The following TRPC1 variants were observed in gnomAD, a reference collection of about 807,000 sequenced individuals.
TRPC1 encodes the protein transient receptor potential cation channel subfamily C member 1, also known as short transient receptor potential channel 1.
A neutral mutation model predicts 88.2 loss-of-function variants in TRPC1; 42 were observed. The ratio of observed to expected loss-of-function variants is 0.48; its 90% confidence interval spans 0.37 to 0.62. The LOEUF (loss-of-function observed/expected upper bound fraction) is 0.62. Ranked by LOEUF, TRPC1 falls within the 20% of genes least tolerant of loss-of-function variation. TRPC1 has a pLI of 0.00. For missense variants in TRPC1, 699 were observed against 957.3 expected (o/e 0.73, Z 3.56); for synonymous variants, 288 against 331.8 (o/e 0.87, Z 1.43).
chr3:142,769,284 C>G (rs1033072343), intron 4 of TRPC1, among the ~76,000 whole-genome samples: 5 of 151,924 alleles, frequency 3.3e-5, no homozygotes, highest in Admixed American at 2.6e-4. Flanking sequence ...ACCCTCATAC[C>G]CTTTGCTCTT....
intron 4 of TRPC1, among the ~76,000 whole-genome samples, chr3:142,755,628 C>T (rs1270781541): frequency 2.0e-5 from 3 of 152,108 alleles, no homozygotes; most frequent in Non-Finnish European, 4.4e-5. Flanking sequence ...TAGTTGCCCA[C>T]ATATTTAGGT....
At chr3:142,780,702 C>T in intron 5 of TRPC1, 132 bp from the exon 6 acceptor site, 1 of 955,684 alleles carries the variant, frequency 1.0e-6, no homozygotes, top group Non-Finnish European at 1.5e-6. Flanking sequence ...TGATTATCCA[C>T]AGAAAATGAC....
intron 4 of TRPC1, among the ~76,000 whole-genome samples, chr3:142,764,751 CT>C (rs1935325145): frequency 6.6e-6 from 1 of 152,064 alleles, no homozygotes; most frequent in Non-Finnish European, 1.5e-5. Flanking sequence ...TAGATTGAAT[CT>C]GTTTGGTGGT....
chr3:142,766,464 G>T (rs144683577), intron 4 of TRPC1, among the ~76,000 whole-genome samples: 3,335 of 149,728 alleles, frequency 0.022, 127 homozygotes, highest in African/African-American at 0.078. Flanking sequence ...GTAGTGTTGC[G>T]ATCTCAGCTC....
At chr3:142,732,380 C>T (rs4589973) in intron 1 of TRPC1, among the ~76,000 whole-genome samples, 20 of 152,142 alleles carry the variant, frequency 1.3e-4, no homozygotes, top group African/African-American at 4.1e-4. Flanking sequence ...TAGGGTCATC[C>T]TAGGGATCCG....
chr3:142,739,935 G>A (rs955685882), intron 2 of TRPC1, among the ~76,000 whole-genome samples: 1 of 152,208 alleles, frequency 6.6e-6, no homozygotes, highest in Non-Finnish European at 1.5e-5. Flanking sequence ...ACAGCAGGAG[G>A]TAAGCAGCAG....
In TRPC1 at chr3:142,802,330, T is replaced by A. The variant is rs142075798; in HGVS notation, c.1743T>A (p.Asn581Lys). The A allele has an allele frequency of 7.0e-7, 1 of 1,433,842 alleles. No individual in the cohort carries two copies. Among genetic ancestry groups the A allele is most frequent in the African/African-American group, 1.5e-5 (1 of 68,108 alleles). 88.8% of individuals were successfully genotyped at this position (1,433,842 alleles called of 1,614,324 possible). ...GCATCTTCTGTGAACAGCAAAGCAATGATACCTTCCATTCGTGAGTATCTT... is the reference window on the plus strand; with the variant it reads ...GCATCTTCTGTGAACAGCAAAGCAAAGATACCTTCCATTCGTGAGTATCTT... Reference protein sequence around the residue: ...CVGIFCEQQSNDTFHSFIGTC... With the variant: ...CVGIFCEQQSKDTFHSFIGTC... Residue 581 changes from asparagine (N) to lysine (K), a missense_variant, in exon 10 of 13, where the codon AAT (asparagine) becomes AAA (lysine). By Grantham distance (94) the Asn-to-Lys change is moderately conservative. This residue lies in a region of TRPC1 where 426 missense variants were observed against 641.3 expected (regional missense o/e 0.66). Transcript: ENST00000476941.
rs71153991 is a variant in TRPC1 at position 142,805,129 on chromosome 3, TACACACAC to T, written c.2154+533_2154+540del. 2.9e-3 allele frequency among the ~76,000 whole-genome samples: 273 copies of T among 95,316 alleles called. 5 individuals are homozygous for T. Among genetic ancestry groups the T allele is most frequent in the Middle Eastern group, 0.013 (3 of 228 alleles). The allele number at this position is 95,316 out of a possible 152,430, so 62.5% of individuals were successfully genotyped here. On this transcript the variant is annotated intron_variant, in intron 12 of 12. Transcript: ENST00000476941. ...ACAAACAAACAAACAAATATATATA[TACACACAC>T]ACACACACACACACACACACACACA...
intron 9 of TRPC1, among the ~76,000 whole-genome samples, chr3:142,801,465 A>T (rs1936618558): frequency 1.3e-5 from 2 of 152,168 alleles, no homozygotes; most frequent in Admixed American, 1.3e-4. Context: ...CCAAATTTGC[A>T]TGCCAATTTA....
At position 142,724,588 on chromosome 3, in the gene TRPC1, A is replaced by T; in HGVS notation, c.29A>T (p.Asp10Val). The change falls in exon 1 of 13, where the codon GAC becomes GTC. Residue 10 changes from aspartate (D) to valine (V), a missense_variant. By Grantham distance (152) the Asp-to-Val change is radical. This residue lies in a region of TRPC1 where 157 missense variants were observed against 127.0 expected (regional missense o/e 1.24). Transcript: ENST00000476941. The surrounding 1 kb of genome is among the most constrained non-coding windows in gnomAD (Gnocchi z 5.6). MMAALYPST[D>V]LSGASSSSLP... ...ATGGCGGCCCTGTACCCGAGCACGGACCTCTCGGGCGCCTCCTCCTCCTCC... is the reference window on the plus strand; with the variant it reads ...ATGGCGGCCCTGTACCCGAGCACGGTCCTCTCGGGCGCCTCCTCCTCCTCC... 1.3e-6 allele frequency: 2 copies of T among 1,593,436 alleles called. No individual in the cohort carries two copies. Among genetic ancestry groups the T allele is most frequent in the East Asian group, 2.3e-5 (1 of 43,874 alleles).
intron 12 of TRPC1, among the ~76,000 whole-genome samples, 182 bp from the exon 13 acceptor site, chr3:142,805,826 T>C (rs1252893080): frequency 1.3e-5 from 2 of 152,222 alleles, no homozygotes; most frequent in African/African-American, 4.8e-5. Context: ...ATTAAATTCA[T>C]TAAACAAATA....
intron 4 of TRPC1, among the ~76,000 whole-genome samples, chr3:142,765,142 A>T (rs990105591): frequency 1.3e-5 from 2 of 152,130 alleles, no homozygotes; most frequent in Non-Finnish European, 2.9e-5. Flanking sequence ...TACAATGAGA[A>T]CTACAAAACA....
Position 142,785,711 on chromosome 3 carries a change from G to A in TRPC1, c.1297+671G>A, listed in dbSNP as rs374247549. ...AGATGGGGTTTCACTTCATTGGCCAGGCTGGTCTCGAACTCCTGACTTCGT... is the reference window on the plus strand; with the variant it reads ...AGATGGGGTTTCACTTCATTGGCCAAGCTGGTCTCGAACTCCTGACTTCGT... On this transcript the variant is annotated intron_variant, in intron 7 of 12. Coordinates refer to ENST00000476941, the MANE Select transcript of TRPC1 (RefSeq NM_001251845.2). 7.9e-5 allele frequency among the ~76,000 whole-genome samples: 12 copies of A among 152,224 alleles called. No homozygotes were observed. The South Asian group carries it at 2.3e-3, about 29-fold the overall frequency.
chr3:142,733,677 A>G (rs573081245), intron 1 of TRPC1, among the ~76,000 whole-genome samples: 1 of 152,332 alleles, frequency 6.6e-6, no homozygotes, highest in East Asian at 1.9e-4. Context: ...AGCTCTTCCT[A>G]CGTTTCTGTC....
intron 1 of TRPC1, among the ~76,000 whole-genome samples, chr3:142,725,165 A>C (rs919399632): frequency 3.9e-5 from 6 of 152,116 alleles, no homozygotes; most frequent in Admixed American, 3.3e-4. Flanking sequence ...CCTCGTATGG[A>C]GGGTTCTCAT....
chr3:142,774,742 G>GA (rs1935700062), intron 4 of TRPC1, among the ~76,000 whole-genome samples: 1 of 151,638 alleles, frequency 6.6e-6, no homozygotes, highest in East Asian at 1.9e-4. Context: ...GGGAATTACT[G>GA]ACCTCTTCAT....
intron 4 of TRPC1, among the ~76,000 whole-genome samples, chr3:142,775,688 A>C (rs1383069348): frequency 2.0e-5 from 3 of 152,208 alleles, no homozygotes; most frequent in African/African-American, 7.2e-5. Context: ...GAAATCTTAC[A>C]AATTGACTAA....
At chr3:142,757,352 C>CAT (rs1388252354) in intron 4 of TRPC1, among the ~76,000 whole-genome samples, 2 of 109,642 alleles carry the variant, frequency 1.8e-5, no homozygotes, top group African/African-American at 1.1e-4. Flanking sequence ...AAGACACATG[C>CAT]ACACATGTTT....
In TRPC1 at chr3:142,803,981, A is replaced by T; in HGVS notation, c.1762A>T (p.Ile588Phe). The T allele has an allele frequency of 6.2e-7, 1 of 1,613,354 alleles. No individual in the cohort carries two copies. The highest frequency in any genetic ancestry group is 8.5e-7 in the Non-Finnish European group (1 of 1,179,600). ...GAAATGCAATTGTCTTTACAGGTTC[A>T]TTGGCACCTGCTTTGCTTTGTTCTG... The part of the protein sequence containing the change: ...QQSNDTFHSF[I>F]GTCFALFWYI... The change falls in exon 11 of 13, where the codon ATT (isoleucine) becomes TTT (phenylalanine). Residue 588 changes from isoleucine to phenylalanine, a missense_variant. Ile to Phe is a conservative substitution (Grantham distance 21). Coordinates refer to ENST00000476941, the MANE Select transcript of TRPC1 (RefSeq NM_001251845.2).
Sources: gnomAD v4.1 joint callset for allele counts (sites outside exome capture counted in the v4.1 genomes callset) on GRCh38, gnomAD v4.1.1 for gene constraint, gnomAD v4.1.1 regional missense constraint, Gnocchi (gnomAD v3.1) non-coding constraint, MANE v1.5 for transcripts, NCBI Gene and HGNC (gene_info 2026-07-23, HGNC 2026-07-21) for gene names.